BTN2A1: variants seen among roughly 807,000 people sequenced by gnomAD.
The protein encoded by BTN2A1 is butyrophilin subfamily 2 member A1, also known as butyrophilin, subfamily 2, member A1.
BTN2A1 carries 41 observed loss-of-function variants against 34.5 expected under a neutral mutation model. The ratio of observed to expected loss-of-function variants is 1.19; its 90% CI spans 0.93 to 1.54. The LOEUF (loss-of-function observed/expected upper bound fraction) is 1.54. Ranked by LOEUF, BTN2A1 falls within the 40% of genes most tolerant of loss-of-function variation. The pLI is 0.00. For synonymous variants in BTN2A1, 267 were observed against 258.6 expected, an observed-to-expected ratio of 1.03 and a Z score of -0.31; for missense variants, 642 against 662.0, an observed-to-expected ratio of 0.97 and a Z score of 0.33.
Position 26,463,413 on chromosome 6 carries a change from C to T in BTN2A1, c.600C>T (p.Leu200=), listed in dbSNP as rs199893249. ...KEVSMPDADG[L]FMVTTAVIIR... ...TCTCCATGCCTGATGCAGACGGCCTCTTCATGGTCACCACGGCTGTGATCA... is the reference window on the plus strand; with the variant it reads ...TCTCCATGCCTGATGCAGACGGCCTTTTCATGGTCACCACGGCTGTGATCA... Residue 200 remains leucine, a synonymous_variant, in exon 4 of 8, where the codon CTC becomes CTT. Coordinates refer to ENST00000312541, the MANE Select transcript of BTN2A1 (RefSeq NM_007049.5). 1 of 1,614,174 alleles carries T rather than the reference C, an allele frequency of 6.2e-7. No individual in the cohort carries two copies. Among genetic ancestry groups the T allele is most frequent in the Admixed American group, 1.7e-5 (1 of 60,032 alleles).
At position 26,469,134 on chromosome 6, in the gene BTN2A1, C is replaced by T. The variant is rs898339769; in HGVS notation, c.*585C>T. The T allele has an allele frequency of 1.0e-5, 11 of 1,094,576 alleles. No homozygotes were observed. The highest frequency in any genetic ancestry group is 2.6e-5 in the South Asian group (1 of 39,210). 67.8% of individuals were successfully genotyped at this position (1,094,576 alleles called of 1,614,324 possible). Reference sequence around the variant, plus strand: ...CCACCCAGCCCCAGGATTTCCAGAGCGCACATCCACAGGCCTGGACCTGGG... The same window carrying T: ...CCACCCAGCCCCAGGATTTCCAGAGTGCACATCCACAGGCCTGGACCTGGG... On this transcript the variant is annotated 3_prime_UTR_variant, in exon 8 of 8. Transcript: ENST00000312541.
intron 7 of BTN2A1, chr6:26,476,067 T>A (rs961196158): frequency 6.3e-5 from 90 of 1,418,048 alleles, no homozygotes; most frequent in Non-Finnish European, 7.7e-5. Context: ...ACTGTGCTCA[T>A]TTATATGCAA....
chr6:26,459,627 G>A lies in BTN2A1; in HGVS notation c.229G>A (p.Val77Met). ...FRSQFSPAVF[V>M]YKGGRERTEE... ...GTCTCAGTTCTCCCCCGCAGTGTTT[G>A]TGTATAAAGGTGGCAGAGAGAGAAC... Residue 77 changes from valine (V) to methionine (M), a missense_variant, in exon 3 of 8, where the codon GTG becomes ATG. Transcript: ENST00000312541. 2 of 1,614,154 alleles carry A rather than the reference G, an allele frequency of 1.2e-6. No homozygotes were observed. The highest frequency in any genetic ancestry group is 1.7e-6 in the Non-Finnish European group (2 of 1,180,018).
At position 26,468,200 on chromosome 6, in the gene BTN2A1, A is replaced by T. The variant is rs1156758046; in HGVS notation, c.1235A>T (p.Glu412Val). 1.2e-6 allele frequency: 2 copies of T among 1,614,046 alleles called. No individual in the cohort carries two copies. The highest frequency in any genetic ancestry group is 1.7e-5 in the Admixed American group (1 of 60,000). Residue 412 changes from glutamate to valine, a missense_variant, in exon 8 of 8, where the codon GAG (glutamate) becomes GTG (valine). Physicochemically the swap from Glu to Val is moderately radical, Grantham distance 121. Coordinates refer to ENST00000312541, the MANE Select transcript of BTN2A1 (RefSeq NM_007049.5). Reference protein sequence around the residue: ...VCRDSVERKGEVLLIPQNGFW... With the variant: ...VCRDSVERKGVVLLIPQNGFW... Reference sequence around the variant, plus strand: ...AGAGACAGTGTTGAGAGGAAAGGGGAGGTCCTGCTGATTCCTCAGAATGGC... The same window carrying T: ...AGAGACAGTGTTGAGAGGAAAGGGGTGGTCCTGCTGATTCCTCAGAATGGC...
chr6:26,462,029 A>AAT (rs10692365), intron 3 of BTN2A1, among the ~76,000 whole-genome samples: 131,541 of 150,838 alleles, frequency 0.87, 57,551 homozygotes, highest in African/African-American at 0.94. Flanking sequence ...AAAAAAAAAA[A>AAT]TTTTTTTTTA....
intron 5 of BTN2A1, 24 bp from the exon 6 acceptor site, chr6:26,465,929 T>C (rs1395400495): frequency 1.2e-6 from 2 of 1,613,986 alleles, no homozygotes; most frequent in Non-Finnish European, 8.5e-7. Context: ...GTCAAAGACA[T>C]GATTTTCTTT....
rs1469619975 is a variant in BTN2A1, at chr6:26,468,195, A to G, written c.1230A>G (p.Lys410=). The part of the protein sequence containing the change: ...VGVCRDSVER[K]GEVLLIPQNG... ...TCTGTAGAGACAGTGTTGAGAGGAAAGGGGAGGTCCTGCTGATTCCTCAGA... is the reference window on the plus strand; with the variant it reads ...TCTGTAGAGACAGTGTTGAGAGGAAGGGGGAGGTCCTGCTGATTCCTCAGA... The change falls in exon 8 of 8, where the codon AAA becomes AAG. Residue 410 remains lysine, a synonymous_variant. Transcript: ENST00000312541. 1.2e-6 allele frequency: 2 copies of G among 1,614,130 alleles called. No homozygotes were observed. Among genetic ancestry groups the G allele is most frequent in the Non-Finnish European group, 1.7e-6 (2 of 1,180,016 alleles).
chr6:26,458,725 A>ATG lies in BTN2A1; in HGVS notation c.82+12_82+13dup, dbSNP rs1308974133. On this transcript the variant is annotated splice_region_variant and intron_variant, in intron 2 of 7. Coordinates refer to ENST00000312541, the MANE Select transcript of BTN2A1 (RefSeq NM_007049.5). ...CTGTGTGCACTGGTCTCAGGTAGGG[A>ATG]TGTGTGCCACTTGCTGCTGTCACCT... is the stretch of plus-strand genomic sequence containing the variant. 1.2e-6 allele frequency: 2 copies of ATG among 1,613,764 alleles called. No homozygotes were observed. The highest frequency in any genetic ancestry group is 1.7e-6 in the Non-Finnish European group (2 of 1,179,882).
At chr6:26,470,738 G>A (rs776760524), downstream of BTN2A1, among the ~76,000 whole-genome samples, 16 of 152,028 alleles carry the variant, frequency 1.1e-4, no homozygotes, top group Non-Finnish European at 1.8e-4. Context: ...CAGGCTCTCC[G>A]GCCTTTGGTC....
At chr6:26,459,018 A>T (rs1182020611) in intron 2 of BTN2A1, among the ~76,000 whole-genome samples, 2 of 152,214 alleles carry the variant, frequency 1.3e-5, no homozygotes, top group Non-Finnish European at 2.9e-5. Context: ...ATCAAATACG[A>T]ATATTTAAAT....
At chr6:26,458,820 C>T (rs1763081076) in intron 2 of BTN2A1, 102 bp downstream of exon 2, 22 of 1,411,308 alleles carry the variant, frequency 1.6e-5, no homozygotes, top group Non-Finnish European at 2.1e-5. Context: ...TGTTGACTTA[C>T]CCTTTCATTC....
chr6:26,465,546 A>T, intron 5 of BTN2A1, 140 bp downstream of exon 5: 2 of 831,002 alleles, frequency 2.4e-6, no homozygotes, highest in Non-Finnish European at 3.7e-6. Flanking sequence ...AAAAAAAAAG[A>T]AAAGAAAAAG....
intron 7 of BTN2A1, among the ~76,000 whole-genome samples, chr6:26,475,580 A>AAT (rs1268403579): frequency 1.3e-5 from 2 of 152,086 alleles, no homozygotes; most frequent in African/African-American, 2.4e-5. Flanking sequence ...TAACCAAGCT[A>AAT]ATGGAGGAAC....
intron 5 of BTN2A1, 68 bp downstream of exon 5, chr6:26,465,474 A>G: frequency 2.0e-6 from 3 of 1,475,860 alleles, no homozygotes; most frequent in Non-Finnish European, 2.8e-6. Flanking sequence ...AGGCAGGCAG[A>G]TCACTTGAGC....
downstream of BTN2A1, among the ~76,000 whole-genome samples, chr6:26,472,219 G>T (rs968849682): frequency 6.6e-6 from 1 of 152,170 alleles, no homozygotes; most frequent in Non-Finnish European, 1.5e-5. Context: ...TAGAAAGTAA[G>T]GGGAGTGTAA....
exon 8 of BTN2A1, chr6:26,476,503 A>G (rs1763540144): frequency 5.2e-6 from 2 of 382,250 alleles, no homozygotes; most frequent in Non-Finnish European, 1.0e-5. Context: ...CAATAAATAT[A>G]AAGTATAAAA....
intron 5 of BTN2A1, chr6:26,465,747 T>C (rs1036926202): frequency 1.0e-5 from 9 of 891,970 alleles, no homozygotes; most frequent in Non-Finnish European, 1.2e-5. Flanking sequence ...AAGTACTAAA[T>C]GGTTGAGCAA....
Position 26,465,356 on chromosome 6 carries a change from A to G in BTN2A1, c.884A>G (p.Lys295Arg), listed in dbSNP as rs370889094. ...FERETREIALKELEKERVQKE... is the reference protein window; with the variant it reads ...FERETREIALRELEKERVQKE... ...CGGGAAACAAGAGAAATTGCTCTAA[A>G]GGAACTGGAGAAAGAACGTGTGCAA... Residue 295 changes from lysine (K) to arginine (R), a missense_variant, in exon 5 of 8, where the codon AAG (lysine) becomes AGG (arginine). Coordinates refer to ENST00000312541, the MANE Select transcript of BTN2A1 (RefSeq NM_007049.5). The G allele has an allele frequency of 5.0e-6, 8 of 1,614,070 alleles. No homozygotes were observed. In the Admixed American group the frequency reaches 5.0e-5, roughly 10 times the overall value.
At chr6:26,460,241 A>C (rs755336481) in intron 3 of BTN2A1, among the ~76,000 whole-genome samples, 1 of 151,982 alleles carries the variant, frequency 6.6e-6, no homozygotes, top group Admixed American at 6.6e-5. Context: ...CCCAGGTTGC[A>C]CTTCTGAGAG....
Sources: gnomAD v4.1 joint callset for allele counts (sites outside exome capture counted in the v4.1 genomes callset) on GRCh38, gnomAD v4.1.1 for gene constraint, MANE v1.5 for transcripts, NCBI Gene and HGNC (gene_info 2026-07-23, HGNC 2026-07-21) for gene names.